ARID2: variants seen among roughly 807,000 people sequenced by gnomAD.
ARID2 encodes the protein AT-rich interactive domain-containing protein 2.
Under a neutral mutation model 184.6 loss-of-function variants are expected in ARID2, and 32 were observed. That is an observed-to-expected ratio of 0.17 (90% confidence interval 0.13 to 0.23). ARID2 has a LOEUF of 0.23. Among genes scored for constraint, ARID2 ranks in the 10% least tolerant of loss-of-function variants. ARID2 has a pLI of 1.00. For missense variants in ARID2, 1,696 were observed against 2,197.6 expected (o/e 0.77, Z 4.56); for synonymous variants, 836 against 772.6 (o/e 1.08, Z -1.36).
chr12:45,859,923 G>C (rs1214190859), intron 15 of ARID2, among the ~76,000 whole-genome samples: 1 of 152,124 alleles, frequency 6.6e-6, no homozygotes, highest in Non-Finnish European at 1.5e-5. Flanking sequence ...GCAGAGATGG[G>C]GTTTCGCCAT....
intron 20 of ARID2, among the ~76,000 whole-genome samples, chr12:45,904,648 G>A (rs1298929290): frequency 2.3e-5 from 3 of 131,556 alleles, no homozygotes; most frequent in South Asian, 2.4e-4. Flanking sequence ...CTAAGATTGC[G>A]CCATTACACT....
At chr12:45,825,287 A>G (rs945905032) in intron 6 of ARID2, among the ~76,000 whole-genome samples, 1 of 152,206 alleles carries the variant, frequency 6.6e-6, no homozygotes, top group Non-Finnish European at 1.5e-5. Context: ...GAGGTGATGC[A>G]TATCCCAAAT....
At chr12:45,745,140 T>A (rs1373893886) in intron 3 of ARID2, among the ~76,000 whole-genome samples, 1 of 152,218 alleles carries the variant, frequency 6.6e-6, no homozygotes, top group Non-Finnish European at 1.5e-5. Flanking sequence ...ATATTAGCTA[T>A]TGTATACAAA....
chr12:45,753,430 T>TA (rs997427404), intron 3 of ARID2, among the ~76,000 whole-genome samples: 13 of 152,236 alleles, frequency 8.5e-5, no homozygotes, highest in Non-Finnish European at 7.3e-5. Flanking sequence ...TTGGGCAAGT[T>TA]ACTCTGCACA....
chr12:45,907,788 T>TA lies in ARID2; in HGVS notation c.*2711dup, dbSNP rs577586238. ...TATGTAAATAATATAGTCTACAACA[T>TA]AGAGACTGTATAATTCTGTGTTATA... On this transcript the variant is annotated 3_prime_UTR_variant, in exon 21 of 21. Transcript: ENST00000334344. 1.6e-4 allele frequency: 38 copies of TA among 232,660 alleles called. No individual in the cohort carries two copies. The South Asian group carries it at 2.9e-3, about 18-fold the overall frequency. 14.4% of individuals were successfully genotyped at this position (232,660 alleles called of 1,614,324 possible).
In ARID2 at chr12:45,839,478, C is replaced by G. The variant is rs1318427003; in HGVS notation, c.1480C>G (p.His494Asp). The G allele has an allele frequency of 6.2e-7, 1 of 1,612,584 alleles. No individual in the cohort carries two copies. ...TATAGAGCAAGTCCAAACCCAGACT[C>G]ATGTAGCATCTGCCCCAGGTTAGTG... ...QAIEQVQTQTHVASAPASRAV... is the reference protein window; with the variant it reads ...QAIEQVQTQTDVASAPASRAV... Residue 494 changes from histidine to aspartate, a missense_variant, in exon 11 of 21, where the codon CAT (histidine) becomes GAT (aspartate). By Grantham distance (81) the His-to-Asp change is moderately conservative. Transcript: ENST00000334344.
intron 3 of ARID2, among the ~76,000 whole-genome samples, chr12:45,802,090 AG>A (rs1171610442): frequency 1.1e-4 from 13 of 121,788 alleles, no homozygotes; most frequent in South Asian, 6.2e-4. Flanking sequence ...CCGAGACGAC[AG>A]GGTCTCTCTC....
chr12:45,862,431 C>CT (rs1943764830), intron 16 of ARID2, among the ~76,000 whole-genome samples: 1 of 152,052 alleles, frequency 6.6e-6, no homozygotes, highest in African/African-American at 2.4e-5. Flanking sequence ...TAATTTGAAA[C>CT]TTTCTTCACT....
At position 45,893,541 on chromosome 12, in the gene ARID2, A is replaced by G. The variant is rs375731144; in HGVS notation, c.5269A>G (p.Thr1757Ala). ...GSRNLVFRDF[T>A]DEKEGPITKH... ...AAGAAACCTTGTCTTTCGAGATTTT[A>G]CAGTAAGCATGCCTTGAAACCCTTA... Residue 1757 changes from threonine to alanine, a missense_variant and splice_region_variant, in exon 19 of 21, where the codon ACA (threonine) becomes GCA (alanine). Physicochemically the swap from Thr to Ala is moderately conservative, Grantham distance 58. Around this residue, in one of 11 missense-constraint regions of ARID2, gnomAD observed 69 missense variants for 118.2 expected, o/e 0.58. Transcript: ENST00000334344. The G allele has an allele frequency of 1.2e-6, 2 of 1,613,700 alleles. No individual in the cohort carries two copies. Among genetic ancestry groups the G allele is most frequent in the East Asian group, 2.2e-5 (1 of 44,876 alleles).
intron 3 of ARID2, among the ~76,000 whole-genome samples, chr12:45,770,316 A>G (rs1941849136): frequency 6.6e-6 from 1 of 152,104 alleles, no homozygotes; most frequent in Non-Finnish European, 1.5e-5. Context: ...AACAAAACTC[A>G]GAGAATTTGT....
intron 15 of ARID2, among the ~76,000 whole-genome samples, chr12:45,857,654 G>A (rs1174874946): frequency 6.6e-6 from 1 of 152,104 alleles, no homozygotes; most frequent in Non-Finnish European, 1.5e-5. Context: ...GAAGTGAATT[G>A]TCCACATTCA....
At chr12:45,742,250 T>C (rs999951222) in intron 3 of ARID2, among the ~76,000 whole-genome samples, 1 of 152,236 alleles carries the variant, frequency 6.6e-6, no homozygotes, top group African/African-American at 2.4e-5. Flanking sequence ...TTCATAAGAA[T>C]ATAATATTTT....
chr12:45,849,783 A>AT lies in ARID2; in HGVS notation c.1912+12dup. 1 of 1,603,582 alleles carries AT rather than the reference A, an allele frequency of 6.2e-7. No homozygotes were observed. The highest frequency in any genetic ancestry group is 8.5e-7 in the Non-Finnish European group (1 of 1,174,760). On this transcript the variant is annotated splice_region_variant and intron_variant, in intron 14 of 20. Transcript: ENST00000334344. ...CCTGCTCCTTCACCTGCAGGTGTTA[A>AT]TTTTTATTGTATTTTTAAAGTATTA...
At chr12:45,791,350 T>A (rs1427533785) in intron 3 of ARID2, among the ~76,000 whole-genome samples, 2 of 152,210 alleles carry the variant, frequency 1.3e-5, no homozygotes, top group Non-Finnish European at 2.9e-5. Context: ...TCCATATTTT[T>A]TAATGTGGCA....
At chr12:45,753,733 A>G (rs899279974) in intron 3 of ARID2, among the ~76,000 whole-genome samples, 1 of 152,070 alleles carries the variant, frequency 6.6e-6, no homozygotes, top group African/African-American at 2.4e-5. Context: ...AGCTGGGACT[A>G]CAGGCACGTG....
intron 3 of ARID2, among the ~76,000 whole-genome samples, chr12:45,746,855 C>T (rs1312429518): frequency 6.6e-6 from 1 of 152,200 alleles, no homozygotes; most frequent in African/African-American, 2.4e-5. Context: ...CAAGCTCCGC[C>T]TTCCGGGTTC....
At chr12:45,901,656 G>T (rs529835751) in intron 20 of ARID2, among the ~76,000 whole-genome samples, 29 of 151,808 alleles carry the variant, frequency 1.9e-4, no homozygotes, top group African/African-American at 6.8e-4. Flanking sequence ...GGATTTGGGG[G>T]TTTGCTTATC....
rs764179676 is a variant in ARID2, at chr12:45,837,652, C to T, written c.1275C>T (p.Leu425=). Residue 425 remains leucine (L), a synonymous_variant, in exon 10 of 21, where the codon CTC becomes CTT. Coordinates refer to ENST00000334344, the MANE Select transcript of ARID2 (RefSeq NM_152641.4). ...CAACACTCGAGGTGCTATACATGCT[C>T]ACGGAAATGGGAGATGTTGCTTGCA... ...VISTLEVLYM[L]TEMGDVACTK... 3.1e-6 allele frequency: 5 copies of T among 1,613,926 alleles called. No individual in the cohort carries two copies. Among genetic ancestry groups the T allele is most frequent in the African/African-American group, 2.7e-5 (2 of 75,022 alleles).
intron 3 of ARID2, among the ~76,000 whole-genome samples, chr12:45,790,161 G>A (rs1265387958): frequency 6.6e-6 from 1 of 151,844 alleles, no homozygotes; most frequent in African/African-American, 2.4e-5. Context: ...AAGTTTATTA[G>A]TACTTTTATT....
Sources: allele counts gnomAD v4.1 joint callset (sites outside exome capture counted in the v4.1 genomes callset), GRCh38; gene constraint gnomAD v4.1.1; regional missense constraint gnomAD v4.1.1; transcripts MANE v1.5; gene names NCBI Gene and HGNC (gene_info 2026-07-23, HGNC 2026-07-21).